The following SH3GL3 variants were observed in gnomAD, a reference collection of about 807,000 sequenced individuals.
SH3GL3 encodes the protein endophilin-A3.
In SH3GL3, 33 loss-of-function variants were observed where a neutral mutation model predicts 47.7. The ratio of observed to expected loss-of-function variants is 0.69; its 90% CI spans 0.52 to 0.92. The LOEUF is 0.92. Ranked by LOEUF, SH3GL3 falls within the 40% of genes least tolerant of loss-of-function variation. The pLI is 0.00. For missense variants in SH3GL3, 363 were observed against 417.8 expected, an observed-to-expected ratio of 0.87 and a Z score of 1.14; for synonymous variants, 155 against 148.8, an observed-to-expected ratio of 1.04 and a Z score of -0.30.
intron 1 of SH3GL3, among the ~76,000 whole-genome samples, chr15:83,542,130 T>G (rs1437451482): frequency 6.6e-6 from 1 of 152,204 alleles, no homozygotes. Flanking sequence ...TAATCCATTT[T>G]GATTTGATTT....
chr15:83,457,780 G>T (rs2040070666), intron 1 of SH3GL3, among the ~76,000 whole-genome samples: 1 of 152,066 alleles, frequency 6.6e-6, no homozygotes, highest in African/African-American at 2.4e-5. Context: ...TAAAGTCAGG[G>T]TGTGAAGATA....
At position 83,517,693 on chromosome 15, in the gene SH3GL3, G is replaced by A. The variant is rs570282780; in HGVS notation, c.46-41560G>A. On this transcript the variant is annotated intron_variant, in intron 1 of 8. Transcript: ENST00000427482. Reference sequence around the variant, plus strand: ...TTCATTCTGGATATAAGCCCTTGTCGGTTTTATGTCAAAATTATTTATTTT... The same window carrying A: ...TTCATTCTGGATATAAGCCCTTGTCAGTTTTATGTCAAAATTATTTATTTT... Among the ~76,000 whole-genome samples, 87 of 151,888 alleles carry A rather than the reference G, an allele frequency of 5.7e-4. 1 individual carries two copies. In the South Asian group the frequency reaches 0.017, roughly 30 times the overall value.
intron 8 of SH3GL3, among the ~76,000 whole-genome samples, chr15:83,604,635 A>G (rs2060469493): frequency 6.6e-6 from 1 of 152,170 alleles, no homozygotes; most frequent in Non-Finnish European, 1.5e-5. Flanking sequence ...TAAGATAATG[A>G]CAATAGCAAC....
chr15:83,508,066 G>A (rs1028893070), intron 1 of SH3GL3, among the ~76,000 whole-genome samples: 2 of 151,400 alleles, frequency 1.3e-5, no homozygotes, highest in Non-Finnish European at 2.9e-5. Context: ...CTCAGCCTCC[G>A]GAGTAGCTGG....
intron 1 of SH3GL3, among the ~76,000 whole-genome samples, chr15:83,515,427 C>T (rs1192898991): frequency 6.6e-6 from 1 of 152,076 alleles, no homozygotes; most frequent in Non-Finnish European, 1.5e-5. Flanking sequence ...CATCACCTCA[C>T]AGAGATGTCA....
intron 1 of SH3GL3, among the ~76,000 whole-genome samples, chr15:83,512,644 G>A (rs561420172): frequency 6.6e-6 from 1 of 151,966 alleles, no homozygotes; most frequent in Admixed American, 6.6e-5. Context: ...CAGCATCATC[G>A]CTCCCTAACC....
At chr15:83,632,396 A>G in the SH3GL3 span, among the ~76,000 whole-genome samples, 1 of 152,200 alleles carries the variant, frequency 6.6e-6, no homozygotes, top group Admixed American at 6.5e-5. Context: ...TAAGCACATC[A>G]TTAGATAGCT....
At chr15:83,576,921 A>ATTTTTTTTTTTTTTTTTTTTT (rs71156087) in intron 6 of SH3GL3, among the ~76,000 whole-genome samples, 180 bp downstream of exon 6, 12 of 86,552 alleles carry the variant, frequency 1.4e-4, no homozygotes, top group South Asian at 3.5e-4. Context: ...AAAAATCATA[A>ATTTTTTTTTTTTTTTTTTTTT]TTTTTTTTTT....
chr15:83,460,418 G>A (rs1381773001), intron 1 of SH3GL3, among the ~76,000 whole-genome samples: 2 of 151,768 alleles, frequency 1.3e-5, no homozygotes, highest in African/African-American at 2.4e-5. Context: ...CATGACCTTC[G>A]ACACATACTT....
At position 83,618,239 on chromosome 15, in the gene SH3GL3, A is replaced by G. The variant is rs1331130472; in HGVS notation, c.996A>G (p.Gly332=). The change falls in exon 9 of 9, where the codon GGA becomes GGG. Residue 332 remains glycine, a synonymous_variant. Transcript: ENST00000427482. ...WYEGMIHGES[G]FFPINYVEVI... ...AAGGAATGATACACGGAGAATCGGG[A>G]TTCTTCCCCATTAATTACGTGGAAG... The G allele has an allele frequency of 2.5e-6, 4 of 1,612,500 alleles. No homozygotes were observed. Among genetic ancestry groups the G allele is most frequent in the Non-Finnish European group, 3.4e-6 (4 of 1,178,540 alleles).
At chr15:83,470,474 A>G (rs1567245513) in intron 1 of SH3GL3, among the ~76,000 whole-genome samples, 1 of 152,012 alleles carries the variant, frequency 6.6e-6, no homozygotes, top group Non-Finnish European at 1.5e-5. Flanking sequence ...TTATCTGCCC[A>G]CCTTGGCCTC....
chr15:83,608,927 C>A (rs1246601210), intron 8 of SH3GL3, among the ~76,000 whole-genome samples: 1 of 152,112 alleles, frequency 6.6e-6, no homozygotes, highest in Non-Finnish European at 1.5e-5. Context: ...ATCAGCTGCT[C>A]TACAAGTGGT....
intron 8 of SH3GL3, among the ~76,000 whole-genome samples, chr15:83,597,417 G>A (rs979937578): frequency 6.6e-6 from 1 of 152,056 alleles, no homozygotes; most frequent in Non-Finnish European, 1.5e-5. Flanking sequence ...CGCTGTGTAA[G>A]GTAACATAGC....
intron 1 of SH3GL3, among the ~76,000 whole-genome samples, chr15:83,530,758 G>C (rs1004258889): frequency 7.9e-5 from 12 of 151,954 alleles, no homozygotes; most frequent in African/African-American, 2.9e-4. Context: ...AAAACAACAG[G>C]TTGGCTTTTC....
chr15:83,549,063 T>G (rs2044539518), intron 1 of SH3GL3, among the ~76,000 whole-genome samples: 1 of 152,204 alleles, frequency 6.6e-6, no homozygotes, highest in African/African-American at 2.4e-5. Flanking sequence ...ACACTTCTGT[T>G]GGGTTCTTAA....
chr15:83,621,868 C>T (rs955502030), downstream of SH3GL3, among the ~76,000 whole-genome samples: 1 of 152,142 alleles, frequency 6.6e-6, no homozygotes, highest in Admixed American at 6.6e-5. Flanking sequence ...AACAAATGCC[C>T]GGAAGCCAGA....
intron 3 of SH3GL3, among the ~76,000 whole-genome samples, chr15:83,566,838 G>T (rs1239021039): frequency 6.6e-6 from 1 of 152,118 alleles, no homozygotes; most frequent in African/African-American, 2.4e-5. Flanking sequence ...CAGCTGGCAC[G>T]GGAATGTCAC....
intron 1 of SH3GL3, among the ~76,000 whole-genome samples, chr15:83,524,796 A>T (rs2043346221): frequency 6.6e-6 from 1 of 152,042 alleles, no homozygotes; most frequent in Admixed American, 6.6e-5. Context: ...ATTTTACTTG[A>T]CATAATGACC....
intron 1 of SH3GL3, among the ~76,000 whole-genome samples, chr15:83,456,352 C>A (rs1285547007): frequency 7.6e-5 from 2 of 26,472 alleles, no homozygotes; most frequent in African/African-American, 2.7e-4. Flanking sequence ...TCGAGCTTCC[C>A]GGCTGCTTTG....
Sources: allele counts gnomAD v4.1 joint callset (sites outside exome capture counted in the v4.1 genomes callset), GRCh38; gene constraint gnomAD v4.1.1; transcripts MANE v1.5; gene names NCBI Gene and HGNC (gene_info 2026-07-23, HGNC 2026-07-21).